The following GRB14 variants were observed in gnomAD, a reference collection of about 807,000 sequenced individuals.
GRB14 encodes the protein growth factor receptor-bound protein 14.
A neutral mutation model predicts 69.1 loss-of-function variants in GRB14; 38 were observed. The ratio of observed to expected loss-of-function variants is 0.55; its 90% CI spans 0.42 to 0.72. The LOEUF is 0.72. Among genes scored for constraint, GRB14 ranks in the 30% least tolerant of loss-of-function variants. The pLI is 0.00. For missense variants in GRB14, 666 were observed against 666.1 expected, an observed-to-expected ratio of 1.00 and a Z score of 0.00; for synonymous variants, 247 against 241.3, an observed-to-expected ratio of 1.02 and a Z score of -0.22.
intron 2 of GRB14, among the ~76,000 whole-genome samples, chr2:164,615,432 C>G (rs989598760): frequency 3.9e-5 from 6 of 152,112 alleles, no homozygotes; most frequent in Admixed American, 2.0e-4. Flanking sequence ...TTTGTCTCCC[C>G]TGTTCTTCTT....
At chr2:164,575,509 GAT>G (rs1165373271) in intron 2 of GRB14, among the ~76,000 whole-genome samples, 1 of 152,062 alleles carries the variant, frequency 6.6e-6, no homozygotes, top group Admixed American at 6.5e-5. Flanking sequence ...AAATATGAAT[GAT>G]AAAATTTTTC....
intron 2 of GRB14, among the ~76,000 whole-genome samples, chr2:164,617,959 TGG>T (rs68125620): frequency 0.29 from 22,065 of 77,198 alleles, 4,076 homozygotes; most frequent in African/African-American, 0.51. Flanking sequence ...ATCTTTTTTT[TGG>T]GGGGGGGGGG....
intron 4 of GRB14, among the ~76,000 whole-genome samples, chr2:164,526,019 A>G (rs993729429): frequency 2.0e-5 from 3 of 152,132 alleles, no homozygotes; most frequent in East Asian, 1.9e-4. Context: ...ATTGAACAAT[A>G]TTTCTTTAAA....
chr2:164,527,182 T>C (rs745653990), intron 3 of GRB14, 47 bp from the exon 4 acceptor site: 1 of 12,418 alleles, frequency 8.1e-5, no homozygotes, highest in Admixed American at 9.0e-4. Flanking sequence ...GACAAATATA[T>C]ATATATATAT....
At chr2:164,569,475 C>G (rs1689073243) in intron 2 of GRB14, among the ~76,000 whole-genome samples, 1 of 152,172 alleles carries the variant, frequency 6.6e-6, no homozygotes, top group African/African-American at 2.4e-5. Context: ...GCTCTTCAAT[C>G]CTGACCCACT....
At chr2:164,501,895 C>T (rs536913169) in intron 9 of GRB14, among the ~76,000 whole-genome samples, 24 of 151,866 alleles carry the variant, frequency 1.6e-4, no homozygotes, top group African/African-American at 5.3e-4. Context: ...ATTAACAAAA[C>T]ACAATCTACA....
intron 2 of GRB14, among the ~76,000 whole-genome samples, chr2:164,583,665 T>G (rs1689467568): frequency 6.6e-6 from 1 of 152,074 alleles, no homozygotes; most frequent in African/African-American, 2.4e-5. Flanking sequence ...TTAAAATACT[T>G]GATTAGTCAA....
chr2:164,590,714 T>A (rs958270566), intron 2 of GRB14, among the ~76,000 whole-genome samples: 3 of 152,248 alleles, frequency 2.0e-5, no homozygotes, highest in Non-Finnish European at 2.9e-5. Flanking sequence ...ATGGTTGAAA[T>A]CACTTTGATA....
At chr2:164,587,241 C>T (rs539596326) in intron 2 of GRB14, among the ~76,000 whole-genome samples, 1 of 152,104 alleles carries the variant, frequency 6.6e-6, no homozygotes, top group Non-Finnish European at 1.5e-5. Flanking sequence ...GACAATGGAT[C>T]AATGTCTTCA....
intron 3 of GRB14, among the ~76,000 whole-genome samples, chr2:164,532,511 A>G (rs1486065481): frequency 1.3e-5 from 2 of 152,172 alleles, no homozygotes; most frequent in Non-Finnish European, 2.9e-5. Context: ...AATGGGGGGA[A>G]TATCCTGGAT....
At position 164,497,218 on chromosome 2, in the gene GRB14, T is replaced by A; in HGVS notation, c.1287A>T (p.Thr429=). Residue 429 remains threonine, a synonymous_variant, in exon 11 of 14, where the codon ACA becomes ACT. Coordinates refer to ENST00000263915, the MANE Select transcript of GRB14 (RefSeq NM_004490.3). ...GACTATGAACAGACATACCCATGTT[T>A]GTGGCAGAGCTCTGTGAAGAGGCAG... ...SPTASSQSSA[T]NMAIHRSQPW... is the part of the protein sequence containing the mutation. 6.2e-7 allele frequency: 1 copy of A among 1,613,620 alleles called. No individual in the cohort carries two copies. Among genetic ancestry groups the A allele is most frequent in the South Asian group, 1.1e-5 (1 of 91,042 alleles).
In GRB14 at chr2:164,564,996, C is replaced by T. The variant is rs539322582; in HGVS notation, c.325-17180G>A. On this transcript the variant is annotated intron_variant, in intron 2 of 13. Transcript: ENST00000263915. The stretch of plus-strand genomic sequence containing the variant: ...CGCCACTGCACTCCAGCCTGGGTGA[C>T]AGAGCAAGACTCAATCTCAAAAAAC... Among the ~76,000 whole-genome samples, 3 of 152,230 alleles carry T rather than the reference C, an allele frequency of 2.0e-5. 1 individual carries two copies. The highest frequency in any genetic ancestry group is 7.2e-5 in the African/African-American group (3 of 41,536).
chr2:164,570,346 G>A (rs1689097863), intron 2 of GRB14, among the ~76,000 whole-genome samples: 1 of 147,492 alleles, frequency 6.8e-6, no homozygotes, highest in Admixed American at 6.8e-5. Flanking sequence ...CCATCATAAT[G>A]AAAGTAATTC....
intron 12 of GRB14, among the ~76,000 whole-genome samples, chr2:164,495,662 A>G (rs1157466366): frequency 1.3e-5 from 2 of 152,348 alleles, no homozygotes; most frequent in East Asian, 1.9e-4. Context: ...AGCCAAATTT[A>G]AAGCATCACA....
At chr2:164,546,685 C>T (rs1188790813) in intron 3 of GRB14, among the ~76,000 whole-genome samples, 3 of 152,186 alleles carry the variant, frequency 2.0e-5, no homozygotes, top group Admixed American at 6.5e-5. Flanking sequence ...ATCTTGGGTT[C>T]CCTGGCAGAA....
At chr2:164,594,665 C>T (rs752056683) in intron 2 of GRB14, among the ~76,000 whole-genome samples, 2 of 152,146 alleles carry the variant, frequency 1.3e-5, no homozygotes, top group African/African-American at 4.8e-5. Context: ...TAATGGAAGT[C>T]GCCACATTTA....
intron 6 of GRB14, among the ~76,000 whole-genome samples, chr2:164,511,796 C>G (rs903983913): frequency 6.6e-6 from 1 of 152,084 alleles, no homozygotes; most frequent in Non-Finnish European, 1.5e-5. Context: ...GATGCTAGCT[C>G]GGCCACAGAT....
intron 2 of GRB14, among the ~76,000 whole-genome samples, chr2:164,588,355 A>G (rs1295870298): frequency 6.6e-6 from 1 of 152,186 alleles, no homozygotes; most frequent in Non-Finnish European, 1.5e-5. Flanking sequence ...GAGCAGATTG[A>G]GTAGAACAAC....
intron 2 of GRB14, among the ~76,000 whole-genome samples, chr2:164,550,511 T>G (rs1307735789): frequency 2.0e-5 from 3 of 152,200 alleles, no homozygotes; most frequent in Admixed American, 1.3e-4. Context: ...AATGAAATAG[T>G]TGCTCTCTCT....
Sources: allele counts gnomAD v4.1 joint callset (sites outside exome capture counted in the v4.1 genomes callset), GRCh38; gene constraint gnomAD v4.1.1; transcripts MANE v1.5; gene names NCBI Gene and HGNC (gene_info 2026-07-23, HGNC 2026-07-21).